Variants in LRRC31 observed in about 807,000 individuals in gnomAD.
LRRC31 encodes the protein leucine rich repeat containing 31, also known as leucine-rich repeat-containing protein 31.
LRRC31 carries 35 observed loss-of-function variants against 46.7 expected under a neutral mutation model. The ratio of observed to expected loss-of-function variants is 0.75; its 90% CI spans 0.57 to 0.99. The LOEUF (loss-of-function observed/expected upper bound fraction) is 0.99. Among genes scored for constraint, LRRC31 ranks in the 50% least tolerant of loss-of-function variants. The pLI, the probability that LRRC31 is intolerant of heterozygous loss-of-function variation, is 0.00. For synonymous variants in LRRC31, 236 were observed against 235.1 expected (o/e 1.00, Z -0.03); for missense variants, 613 against 626.1 (o/e 0.98, Z 0.22).
In LRRC31 at chr3:169,861,688, C is replaced by T. The variant is rs372270836; in HGVS notation, c.301G>A (p.Ala101Thr). The change falls in exon 2 of 9, where the codon GCG (alanine) becomes ACG (threonine). Residue 101 changes from alanine to threonine, a missense_variant. Physicochemically the swap from Ala to Thr is moderately conservative, Grantham distance 58. Coordinates refer to ENST00000316428, the MANE Select transcript of LRRC31 (RefSeq NM_024727.4). ...LDLNNCGLTTADMKEMVALLP... is the reference protein window; with the variant it reads ...LDLNNCGLTTTDMKEMVALLP... ...TACAGACCCATTTCTTTCATGTCCGCTGTTGTTAATCCACAGTTATTCAAA... is the reference window on the plus strand; with the variant it reads ...TACAGACCCATTTCTTTCATGTCCGTTGTTGTTAATCCACAGTTATTCAAA... The T allele has an allele frequency of 1.8e-5, 29 of 1,613,968 alleles. 1 individual carries two copies. Among genetic ancestry groups the T allele is most frequent in the South Asian group, 8.8e-5 (8 of 91,078 alleles).
At chr3:169,865,262 AAG>A (rs1781296341) in intron 1 of LRRC31, among the ~76,000 whole-genome samples, 1 of 150,856 alleles carries the variant, frequency 6.6e-6, no homozygotes, top group African/African-American at 2.5e-5. Context: ...AAAAAAAAAA[AAG>A]AAAAATTATA....
chr3:169,869,180 G>A (rs1356166672), intron 1 of LRRC31, among the ~76,000 whole-genome samples: 1 of 151,804 alleles, frequency 6.6e-6, no homozygotes, highest in Admixed American at 6.6e-5. Context: ...AGACCACCCT[G>A]GCCAATGCAG....
Position 169,852,416 on chromosome 3 carries a change from A to C in LRRC31, c.992-630T>G, listed in dbSNP as rs34932359. On this transcript the variant is annotated intron_variant, in intron 6 of 8. Transcript: ENST00000316428. ...AGACTCCGTCTCAAAAAAAAAAAAA[A>C]AAAAAAAAAAAAAAACTCTTAGCCT... Among the ~76,000 whole-genome samples the C allele has an allele frequency of 1.8e-4, 21 of 115,774 alleles. 1 individual carries two copies. Among genetic ancestry groups the C allele is most frequent in the South Asian group, 5.8e-4 (2 of 3,460 alleles). 76.0% of individuals were successfully genotyped at this position (115,774 alleles called of 152,430 possible). A position where few individuals can be genotyped will look rare whatever the true frequency, so the allele number is the denominator to read the frequency against.
At chr3:169,846,846 T>C (rs999173534) in intron 8 of LRRC31, among the ~76,000 whole-genome samples, 2 of 152,232 alleles carry the variant, frequency 1.3e-5, no homozygotes, top group African/African-American at 4.8e-5. Flanking sequence ...TTTTCATAGC[T>C]TCTGTTTTTT....
chr3:169,849,422 A>C (rs888490043), intron 7 of LRRC31, among the ~76,000 whole-genome samples: 4 of 152,244 alleles, frequency 2.6e-5, no homozygotes, highest in African/African-American at 4.8e-5. Flanking sequence ...AATTAGAAAC[A>C]GCTGTGCCTT....
At chr3:169,864,794 C>T (rs1560634853) in intron 1 of LRRC31, among the ~76,000 whole-genome samples, 2 of 152,068 alleles carry the variant, frequency 1.3e-5, no homozygotes, top group South Asian at 2.1e-4. Context: ...TCTGTGAAAC[C>T]GGCCAGGTGC....
intron 1 of LRRC31, 93 bp downstream of exon 1, chr3:169,869,540 G>T: frequency 2.6e-6 from 3 of 1,138,160 alleles, no homozygotes; most frequent in Non-Finnish European, 3.6e-6. Context: ...CACCTACTAT[G>T]TACCCACAAA....
intron 8 of LRRC31, among the ~76,000 whole-genome samples, chr3:169,843,186 T>C (rs1157016042): frequency 6.6e-6 from 1 of 152,100 alleles, no homozygotes; most frequent in African/African-American, 2.4e-5. Context: ...GTCAGAGAGA[T>C]TTAAAGTGTG....
chr3:169,861,486 T>C (rs1262730172), intron 2 of LRRC31, among the ~76,000 whole-genome samples, 184 bp downstream of exon 2: 3 of 147,714 alleles, frequency 2.0e-5, no homozygotes, highest in Admixed American at 1.4e-4. Flanking sequence ...GTCACTGCAC[T>C]CCAGCCTGGG....
chr3:169,865,132 G>C (rs1403308350), intron 1 of LRRC31, among the ~76,000 whole-genome samples: 1 of 149,964 alleles, frequency 6.7e-6, no homozygotes, highest in African/African-American at 2.4e-5. Flanking sequence ...GGTGCCTGTA[G>C]TCCCAGCTAG....
chr3:169,842,327 A>G (rs1213900873), intron 8 of LRRC31, among the ~76,000 whole-genome samples: 3 of 152,174 alleles, frequency 2.0e-5, no homozygotes, highest in African/African-American at 7.2e-5. Flanking sequence ...AACCACATAT[A>G]GTAATACTTG....
intron 1 of LRRC31, among the ~76,000 whole-genome samples, chr3:169,863,531 G>A (rs1184905512): frequency 6.6e-6 from 1 of 151,050 alleles, no homozygotes; most frequent in Non-Finnish European, 1.5e-5. Flanking sequence ...GTGGCTTCCT[G>A]TTTGGTCTAA....
At chr3:169,857,202 C>A (rs909919178) in intron 3 of LRRC31, among the ~76,000 whole-genome samples, 7 of 150,760 alleles carry the variant, frequency 4.6e-5, no homozygotes, top group African/African-American at 1.7e-4. Flanking sequence ...TTCCCTTAGC[C>A]CCTCTCTCTG....
Position 169,841,733 on chromosome 3 carries a change from T to C in LRRC31, c.1328-1420A>G, listed in dbSNP as rs538157194. Among the ~76,000 whole-genome samples, 131 of 152,284 alleles carry C rather than the reference T, an allele frequency of 8.6e-4. 2 individuals carry two copies. The highest frequency in any genetic ancestry group is 3.0e-3 in the African/African-American group (126 of 41,552). On this transcript the variant is annotated intron_variant, in intron 8 of 8. Transcript: ENST00000316428. ...TCTTGCCTCATCTAGTCCCCTTTCT[T>C]CTACTTTTTTGTTTTTTAAAAACAC...
At chr3:169,844,302 TATTA>T (rs1020571679) in intron 8 of LRRC31, among the ~76,000 whole-genome samples, 1 of 152,328 alleles carries the variant, frequency 6.6e-6, no homozygotes, top group Admixed American at 6.5e-5. Flanking sequence ...CAGCTAATAT[TATTA>T]ATTATTATCA....
At chr3:169,840,930 G>A (rs79811397) in intron 8 of LRRC31, among the ~76,000 whole-genome samples, 5,990 of 152,286 alleles carry the variant, frequency 0.039, 125 homozygotes, top group Middle Eastern at 0.058. Flanking sequence ...ACTTCTGTAA[G>A]AGGAGGCAGG....
intron 3 of LRRC31, 27 bp from the exon 4 acceptor site, chr3:169,856,899 G>C (rs376347834): frequency 6.3e-6 from 10 of 1,585,796 alleles, no homozygotes; most frequent in Non-Finnish European, 8.6e-6. Context: ...CGAAAATTCT[G>C]TTGGTCACTA....
chr3:169,846,551 G>A (rs1253247681), intron 8 of LRRC31, among the ~76,000 whole-genome samples: 2 of 152,156 alleles, frequency 1.3e-5, no homozygotes, highest in Admixed American at 6.5e-5. Flanking sequence ...AGGAGGCTGA[G>A]GCAGGAGAAT....
chr3:169,852,561 G>A (rs1264273517), intron 6 of LRRC31, among the ~76,000 whole-genome samples: 3 of 152,144 alleles, frequency 2.0e-5, no homozygotes, highest in African/African-American at 7.2e-5. Context: ...TCTTTTCTCA[G>A]AATGTAAGTA....
Sources: gnomAD v4.1 joint callset for allele counts (sites outside exome capture counted in the v4.1 genomes callset) on GRCh38, gnomAD v4.1.1 for gene constraint, MANE v1.5 for transcripts, NCBI Gene and HGNC (gene_info 2026-07-23, HGNC 2026-07-21) for gene names.